Variants in SH3BP4 observed in about 807,000 individuals in gnomAD.
The protein encoded by SH3BP4 is SH3 domain-binding protein 4.
Under a neutral mutation model 65.5 loss-of-function variants are expected in SH3BP4, and 33 were observed. That is an observed-to-expected ratio of 0.50 (90% CI 0.38 to 0.67). The LOEUF (loss-of-function observed/expected upper bound fraction) is 0.67, where lower values mean the gene tolerates loss of function less well. SH3BP4 is among the 30% of genes least tolerant of loss of function. SH3BP4 has a pLI of 0.00. For synonymous variants in SH3BP4, 552 were observed against 545.5 expected (o/e 1.01, Z -0.17); for missense variants, 1,134 against 1,261.4 (o/e 0.90, Z 1.53).
intron 1 of SH3BP4, among the ~76,000 whole-genome samples, chr2:234,979,302 A>G (rs1240485712): frequency 6.6e-6 from 1 of 152,218 alleles, no homozygotes; most frequent in Admixed American, 6.5e-5. Flanking sequence ...TCCTGCAAAA[A>G]TGTGTTTATC....
intron 1 of SH3BP4, among the ~76,000 whole-genome samples, chr2:234,969,525 C>T (rs1692925049): frequency 6.6e-6 from 1 of 152,228 alleles, no homozygotes; most frequent in South Asian, 2.1e-4. Context: ...CCTTCAGCGC[C>T]AGTTGTCGCC....
intron 1 of SH3BP4, among the ~76,000 whole-genome samples, chr2:234,966,800 T>C (rs1692849231): frequency 6.6e-6 from 1 of 152,236 alleles, no homozygotes; most frequent in Admixed American, 6.5e-5. Flanking sequence ...TGGCGGCAAA[T>C]GGACCTGGTG....
chr2:235,010,834 CCTA>C (rs1559242866), intron 2 of SH3BP4, among the ~76,000 whole-genome samples: 2 of 131,094 alleles, frequency 1.5e-5, no homozygotes, highest in South Asian at 5.8e-4. Context: ...TCCTCCCTCT[CCTA>C]GGAGAACCCT....
Position 235,053,468 on chromosome 2 carries a change from C to T in SH3BP4, c.2668-124C>T, listed in dbSNP as rs191143165. The T allele has an allele frequency of 1.3e-3, 929 of 706,372 alleles. 4 individuals carry two copies. Among genetic ancestry groups the T allele is most frequent in the Non-Finnish European group, 1.8e-3 (739 of 412,376 alleles). The allele number at this position is 706,372 out of a possible 1,614,324, so 43.8% of individuals were successfully genotyped here. On this transcript the variant is annotated intron_variant, in intron 5 of 5. Coordinates refer to ENST00000392011, the MANE Select transcript of SH3BP4 (RefSeq NM_014521.3). ...GTTTCTTCTGTGGGCTTGTCTCACT[C>T]GTGAAAGAGTGTCCCAAATAGTGAC...
Position 235,053,768 on chromosome 2 carries a change from G to A in SH3BP4, c.2844G>A (p.Leu948=). The A allele has an allele frequency of 6.2e-7, 1 of 1,614,208 alleles. No homozygotes were observed. The highest frequency in any genetic ancestry group is 8.5e-7 in the Non-Finnish European group (1 of 1,180,040). ...TCTTGGTGAACTCCCTGGACGTTCT[G>A]AGAGCAGCCGCCTTCAGCCCTGCGG... The part of the protein sequence containing the change: ...TLILVNSLDV[L]RAAAFSPADQ... The change falls in exon 6 of 6, where the codon CTG becomes CTA. Residue 948 remains leucine, a synonymous_variant. Transcript: ENST00000392011.
rs1315012232 is a variant in SH3BP4 at position 235,042,473 on chromosome 2, G to A, written c.1704G>A (p.Lys568=). 2 of 1,614,178 alleles carry A rather than the reference G, an allele frequency of 1.2e-6. No homozygotes were observed. The highest frequency in any genetic ancestry group is 3.3e-5 in the Admixed American group (2 of 60,020). Residue 568 remains lysine, a synonymous_variant, in exon 4 of 6, where the codon AAG becomes AAA. Coordinates refer to ENST00000392011, the MANE Select transcript of SH3BP4 (RefSeq NM_014521.3). The surrounding 1 kb of genome is among the most constrained non-coding windows in gnomAD (Gnocchi z 7.3). ...GAGGATTCCAGCTGAAGCTGGGCAA[G>A]GTGAGCCGCCTGATCTTCCCCATCA... ...VVRGFQLKLG[K]VSRLIFPITS...
At chr2:235,029,787 C>T (rs541107193) in intron 2 of SH3BP4, among the ~76,000 whole-genome samples, 4 of 152,246 alleles carry the variant, frequency 2.6e-5, no homozygotes, top group East Asian at 1.9e-4. Flanking sequence ...TCGGGATGGG[C>T]GAGTCGGATC....
At chr2:235,053,124 A>G (rs1696114962) in intron 5 of SH3BP4, among the ~76,000 whole-genome samples, 3 of 152,208 alleles carry the variant, frequency 2.0e-5, no homozygotes, top group Admixed American at 1.3e-4. Flanking sequence ...ATGTTACATA[A>G]CTTGGGCCAA....
At chr2:235,011,908 C>G (rs1000658635) in intron 2 of SH3BP4, among the ~76,000 whole-genome samples, 2 of 152,198 alleles carry the variant, frequency 1.3e-5, no homozygotes, top group Non-Finnish European at 2.9e-5. Context: ...CTGCTGCATT[C>G]CAGGCTCTGG....
chr2:234,980,058 A>G (rs1388812490), intron 1 of SH3BP4, among the ~76,000 whole-genome samples: 1 of 152,182 alleles, frequency 6.6e-6, no homozygotes, highest in Non-Finnish European at 1.5e-5. Flanking sequence ...GTCTTGCAAG[A>G]GTTCGTTTTT....
chr2:234,953,857 C>CA (rs1692531091), intron 1 of SH3BP4, among the ~76,000 whole-genome samples: 2 of 151,984 alleles, frequency 1.3e-5, no homozygotes, highest in Admixed American at 1.3e-4. Flanking sequence ...CCAAATCCCT[C>CA]AGAGTGGGAA....
At position 234,967,447 on chromosome 2, in the gene SH3BP4, G is replaced by A. The variant is rs183272026; in HGVS notation, c.-207+15277G>A. Among the ~76,000 whole-genome samples, 4 of 152,132 alleles carry A rather than the reference G, an allele frequency of 2.6e-5. No homozygotes were observed. The highest frequency in any genetic ancestry group is 1.9e-4 in the East Asian group (1 of 5,174). On this transcript the variant is annotated intron_variant, in intron 1 of 5. Transcript: ENST00000392011. The surrounding 1 kb of genome is among the most constrained non-coding windows in gnomAD (Gnocchi z 4.6). ...TAACACCAAGAGGGTGTGGAGCTGC[G>A]GTCTCACCACTACACCCTGACACGT...
chr2:234,996,778 C>T (rs932461263), intron 2 of SH3BP4, among the ~76,000 whole-genome samples: 2 of 152,204 alleles, frequency 1.3e-5, no homozygotes, highest in African/African-American at 4.8e-5. Context: ...GGGGGTTGTG[C>T]GGCATGGTTC....
intron 2 of SH3BP4, among the ~76,000 whole-genome samples, chr2:235,022,002 C>T (rs1694858497): frequency 1.3e-5 from 2 of 151,892 alleles, no homozygotes; most frequent in South Asian, 4.2e-4. Context: ...GTCCACAAAC[C>T]TTTTATTTTT....
Position 235,042,003 on chromosome 2 carries a change from G to A in SH3BP4, c.1234G>A (p.Gly412Ser). ...TGACCTTTTTAGCAAAAGCACAGTGGGCCTCCAGTGCCTGAGGAGCGACTC... is the reference window on the plus strand; with the variant it reads ...TGACCTTTTTAGCAAAAGCACAGTGAGCCTCCAGTGCCTGAGGAGCGACTC... ...KNDLFSKSTV[G>S]LQCLRSDSKE... is the part of the protein sequence containing the mutation. The change falls in exon 4 of 6, where the codon GGC (glycine) becomes AGC (serine). Residue 412 changes from glycine to serine, a missense_variant. Transcript: ENST00000392011. The surrounding 1 kb of genome is among the most constrained non-coding windows in gnomAD (Gnocchi z 7.3). 1 of 1,613,814 alleles carries A rather than the reference G, an allele frequency of 6.2e-7. No homozygotes were observed. Among genetic ancestry groups the A allele is most frequent in the South Asian group, 1.1e-5 (1 of 91,080 alleles).
At chr2:234,989,178 A>G (rs999106986) in intron 1 of SH3BP4, among the ~76,000 whole-genome samples, 3 of 152,212 alleles carry the variant, frequency 2.0e-5, no homozygotes, top group African/African-American at 7.2e-5. Flanking sequence ...TGGCCAGGCC[A>G]TGAAGTCTCT....
intron 2 of SH3BP4, among the ~76,000 whole-genome samples, chr2:235,032,706 G>T (rs1392583484): frequency 6.6e-6 from 1 of 152,162 alleles, no homozygotes; most frequent in African/African-American, 2.4e-5. Flanking sequence ...CTGGTAGGGG[G>T]CGAGGGTGCT....
At position 235,030,140 on chromosome 2, in the gene SH3BP4, A is replaced by C. The variant is rs143584083; in HGVS notation, c.-132-4731A>C. 1.0e-3 allele frequency among the ~76,000 whole-genome samples: 152 copies of C among 152,234 alleles called. 1 individual carries two copies. Among genetic ancestry groups the C allele is most frequent in the Admixed American group, 4.7e-3 (72 of 15,300 alleles). On this transcript the variant is annotated intron_variant, in intron 2 of 5. Coordinates refer to ENST00000392011, the MANE Select transcript of SH3BP4 (RefSeq NM_014521.3). This position sits in a 1 kb window ranked among gnomAD's most constrained non-coding sequence, Gnocchi z 4.1. ...ACTGATTTTTTTAAAAGCGGTGAGC[A>C]CTGTCCAGAAGTGTTGTAGCAGGGC...
At chr2:234,959,485 C>A (rs1211273030) in intron 1 of SH3BP4, among the ~76,000 whole-genome samples, 3 of 152,116 alleles carry the variant, frequency 2.0e-5, no homozygotes, top group Admixed American at 6.5e-5. Context: ...GTAAAACTTA[C>A]AATATATGAT....
Sources: allele counts gnomAD v4.1 joint callset (sites outside exome capture counted in the v4.1 genomes callset), GRCh38; gene constraint gnomAD v4.1.1; non-coding constraint Gnocchi (gnomAD v3.1); transcripts MANE v1.5; gene names NCBI Gene and HGNC (gene_info 2026-07-23, HGNC 2026-07-21).